Variants in DNAH5 observed in about 807,000 individuals in gnomAD.
The protein encoded by DNAH5 is axonemal beta dynein heavy chain 5.
DNAH5 carries 372 observed loss-of-function variants against 518.2 expected under a neutral mutation model. The observed-to-expected ratio is 0.72, with a 90% CI of 0.66 to 0.78. The LOEUF is 0.78. Among genes scored for constraint, DNAH5 ranks in the 30% least tolerant of loss-of-function variants. The pLI is 0.00. For synonymous variants in DNAH5, 2,039 were observed against 2,025.9 expected (o/e 1.01, Z -0.17); for missense variants, 5,523 against 5,687.0 (o/e 0.97, Z 0.93).
intron 15 of DNAH5, 125 bp downstream of exon 15, chr5:13,900,081 G>GT: frequency 1.1e-6 from 1 of 880,162 alleles, no homozygotes; most frequent in Non-Finnish European, 1.8e-6. Context: ...CCATGGCACT[G>GT]TCCCCTCAGT....
chr5:13,954,225 G>A (rs951133413), intron 1 of DNAH5, among the ~76,000 whole-genome samples: 6 of 152,106 alleles, frequency 3.9e-5, no homozygotes, highest in African/African-American at 9.7e-5. Context: ...TACCCTGCAC[G>A]ATGTTATTCA....
intron 32 of DNAH5, among the ~76,000 whole-genome samples, chr5:13,843,742 G>A (rs1765584842): frequency 6.6e-6 from 1 of 152,088 alleles, no homozygotes; most frequent in African/African-American, 2.4e-5. Context: ...TTCTTCACCT[G>A]CAAGGTTATA....
At chr5:13,900,642 C>T (rs958262727) in intron 14 of DNAH5, 69 of 560,802 alleles carry the variant, frequency 1.2e-4, no homozygotes, top group Non-Finnish European at 2.0e-4. Flanking sequence ...CTTTCAATGA[C>T]TCTAACACTG....
At chr5:13,907,894 T>C (rs1775523653) in intron 12 of DNAH5, among the ~76,000 whole-genome samples, 1 of 152,214 alleles carries the variant, frequency 6.6e-6, no homozygotes, top group Non-Finnish European at 1.5e-5. Context: ...AGACATTAAT[T>C]GATGTAGTAT....
At chr5:13,918,105 A>T (rs565636489) in intron 7 of DNAH5, among the ~76,000 whole-genome samples, 1 of 152,302 alleles carries the variant, frequency 6.6e-6, no homozygotes, top group African/African-American at 2.4e-5. Context: ...GAATATGGCT[A>T]AAGTGATGGG....
chr5:13,732,892 G>T (rs757445212), intron 68 of DNAH5, among the ~76,000 whole-genome samples: 2 of 152,036 alleles, frequency 1.3e-5, no homozygotes, highest in African/African-American at 4.8e-5. Flanking sequence ...ATATCACCAG[G>T]TAGCTCTCAT....
chr5:13,709,651 G>A (rs1265720657), intron 75 of DNAH5, among the ~76,000 whole-genome samples: 1 of 152,160 alleles, frequency 6.6e-6, no homozygotes, highest in Non-Finnish European at 1.5e-5. Context: ...GCAATCCCTA[G>A]AGGACCCACA....
chr5:13,737,343 T>C lies in DNAH5; in HGVS notation c.11364A>G (p.Thr3788=), dbSNP rs756347790. 3.7e-6 allele frequency: 6 copies of C among 1,614,048 alleles called. No homozygotes were observed. The East Asian group carries it at 1.3e-4, about 36-fold the overall frequency. ...GTGTCACCTCCTCGGCTGTCCTTTTTGTGTTACTCAGCACGACAATGAGAC... is the reference window on the plus strand; with the variant it reads ...GTGTCACCTCCTCGGCTGTCCTTTTCGTGTTACTCAGCACGACAATGAGAC... The part of the protein sequence containing the change: ...DESLIVVLSN[T]KRTAEEVTQK... The change falls in exon 66 of 79, where the codon ACA becomes ACG. Residue 3788 remains threonine, a synonymous_variant. Coordinates refer to ENST00000265104, the MANE Select transcript of DNAH5 (RefSeq NM_001369.3).
At chr5:13,713,084 T>G (rs1743718876) in intron 75 of DNAH5, among the ~76,000 whole-genome samples, 1 of 146,848 alleles carries the variant, frequency 6.8e-6, no homozygotes, top group Non-Finnish European at 1.5e-5. Flanking sequence ...AACGAATGTA[T>G]AAAGAAACTG....
At chr5:13,927,731 T>G (rs538422618) in intron 3 of DNAH5, among the ~76,000 whole-genome samples, 2 of 152,204 alleles carry the variant, frequency 1.3e-5, no homozygotes, top group Admixed American at 1.3e-4. Flanking sequence ...GTGCCCATTA[T>G]AAGTTCTAGA....
chr5:13,716,497 T>C lies in DNAH5; in HGVS notation c.12899A>G (p.Gln4300Arg). 1 of 1,612,716 alleles carries C rather than the reference T, an allele frequency of 6.2e-7. No homozygotes were observed. Among genetic ancestry groups the C allele is most frequent in the South Asian group, 1.1e-5 (1 of 91,048 alleles). The change falls in exon 74 of 79, where the codon CAG (glutamine) becomes CGG (arginine). Residue 4300 changes from glutamine (Q) to arginine (R), a missense_variant. Gln to Arg is a conservative substitution (Grantham distance 43). This residue lies in a region of DNAH5 where 387 missense variants were observed against 430.0 expected (regional missense o/e 0.90). Coordinates refer to ENST00000265104, the MANE Select transcript of DNAH5 (RefSeq NM_001369.3). The stretch of plus-strand genomic sequence containing the variant: ...CTGAAGTTGACAAACCTGGATATAC[T>C]GAAGATAGTTATCCACTGTGCTGCA... ...PKCSTVDNYL[Q>R]YIQSLPAYDS...
chr5:13,919,475 C>A, intron 6 of DNAH5, 123 bp from the exon 7 acceptor site: 1 of 1,138,440 alleles, frequency 8.8e-7, no homozygotes, highest in South Asian at 1.5e-5. Context: ...ATGCGTATTC[C>A]ATGCTTCCAA....
chr5:13,708,043 C>T (rs1743027105), intron 76 of DNAH5, 80 bp downstream of exon 76: 1 of 1,463,652 alleles, frequency 6.8e-7, no homozygotes, highest in Non-Finnish European at 9.6e-7. Context: ...GTAAATTATC[C>T]TTTCATGCTT....
chr5:13,948,902 G>C (rs537982041), upstream of DNAH5, among the ~76,000 whole-genome samples: 2 of 152,158 alleles, frequency 1.3e-5, no homozygotes, highest in Non-Finnish European at 2.9e-5. Flanking sequence ...AAACTCGCAA[G>C]CTGAATAAAA....
chr5:13,707,253 C>G lies in DNAH5; in HGVS notation c.13338+870G>C, dbSNP rs1742913748. ...TCCAGGGGAAGACCACCTTCCCACT[C>G]CATCCCCCTTCTGGCTCCCCATCCA... On this transcript the variant is annotated intron_variant, in intron 76 of 78. Transcript: ENST00000265104. The surrounding 1 kb of genome is among the most constrained non-coding windows in gnomAD (Gnocchi z 4.0). Among the ~76,000 whole-genome samples, 1 of 152,182 alleles carries G rather than the reference C, an allele frequency of 6.6e-6. No homozygotes were observed. Among genetic ancestry groups the G allele is most frequent in the Non-Finnish European group, 1.5e-5 (1 of 68,024 alleles).
chr5:13,695,026 A>G (rs1017573), intron 78 of DNAH5, among the ~76,000 whole-genome samples: 86,631 of 152,066 alleles, frequency 0.57, 25,043 homozygotes, highest in African/African-American at 0.66. Flanking sequence ...GTGATAACTG[A>G]GAATGAAACC....
intron 1 of DNAH5, among the ~76,000 whole-genome samples, chr5:13,949,857 C>T (rs529374222): frequency 3.4e-4 from 52 of 152,258 alleles, no homozygotes; most frequent in African/African-American, 1.2e-3. Context: ...GGCTTTAGGA[C>T]GTTACGCTTC....
intron 65 of DNAH5, among the ~76,000 whole-genome samples, chr5:13,740,500 C>T (rs866579967): frequency 1.3e-5 from 2 of 152,172 alleles, no homozygotes; most frequent in South Asian, 2.1e-4. Flanking sequence ...GCTCTAGCCA[C>T]GTTTGCTATT....
chr5:13,920,402 G>A lies in DNAH5; in HGVS notation c.798+78C>T, dbSNP rs569173251. 16 of 1,572,198 alleles carry A rather than the reference G, an allele frequency of 1.0e-5. No homozygotes were observed. The East Asian group carries it at 1.6e-4, about 15-fold the overall frequency. On this transcript the variant is annotated intron_variant, in intron 6 of 78. Transcript: ENST00000265104. ...TAAAACGCTTAACAAATGGAATGTCGTATGTCAATACACCTTCTTCCATTG... is the reference window on the plus strand; with the variant it reads ...TAAAACGCTTAACAAATGGAATGTCATATGTCAATACACCTTCTTCCATTG...
Sources: gnomAD v4.1 joint callset for allele counts (sites outside exome capture counted in the v4.1 genomes callset) on GRCh38, gnomAD v4.1.1 for gene constraint, gnomAD v4.1.1 regional missense constraint, Gnocchi (gnomAD v3.1) non-coding constraint, MANE v1.5 for transcripts, NCBI Gene and HGNC (gene_info 2026-07-23, HGNC 2026-07-21) for gene names.